TSC22D2: variants seen among roughly 807,000 people sequenced by gnomAD.
The protein encoded by TSC22D2 is TSC22 domain family member 2.
Under a neutral mutation model 50.1 loss-of-function variants are expected in TSC22D2, and 5 were observed. That is an observed-to-expected ratio of 0.10 (90% CI 0.05 to 0.21). TSC22D2 has a LOEUF of 0.21. TSC22D2 is among the 10% of genes least tolerant of loss of function. TSC22D2 has a pLI of 1.00. For missense variants in TSC22D2, 1,003 were observed against 1,015.5 expected, an observed-to-expected ratio of 0.99 and a Z score of 0.17; for synonymous variants, 501 against 450.1, an observed-to-expected ratio of 1.11 and a Z score of -1.43.
chr3:150,445,322 T>TAAG (rs974480569), intron 1 of TSC22D2, among the ~76,000 whole-genome samples: 1 of 40,626 alleles, frequency 2.5e-5, no homozygotes, highest in African/African-American at 7.8e-5. Flanking sequence ...TCAAAAATAA[T>TAAG]AATAATAATA....
At chr3:150,434,824 A>T (rs1335472284) in intron 1 of TSC22D2, among the ~76,000 whole-genome samples, 1 of 150,508 alleles carries the variant, frequency 6.6e-6, no homozygotes, top group Non-Finnish European at 1.5e-5. Context: ...TTATATATGT[A>T]TGTGTATATA....
chr3:150,464,227 T>C lies in TSC22D2; in HGVS notation c.*5591T>C, dbSNP rs1344992346. Reference sequence around the variant, plus strand: ...GTTATCCGGATCACAGTTCTTGCTGTCATTTCACAGGCATGCAATGTATCT... The same window carrying C: ...GTTATCCGGATCACAGTTCTTGCTGCCATTTCACAGGCATGCAATGTATCT... On this transcript the variant is annotated 3_prime_UTR_variant, in exon 3 of 3. Transcript: ENST00000688009. 6.6e-6 allele frequency: 1 copy of C among 152,072 alleles called. No homozygotes were observed. Among genetic ancestry groups the C allele is most frequent in the African/African-American group, 2.4e-5 (1 of 41,400 alleles). 9.4% of individuals were successfully genotyped at this position (152,072 alleles called of 1,614,324 possible).
intron 1 of TSC22D2, among the ~76,000 whole-genome samples, chr3:150,448,892 A>G (rs1720960545): frequency 6.6e-6 from 1 of 151,092 alleles, no homozygotes; most frequent in African/African-American, 2.4e-5. Flanking sequence ...ATATATATAT[A>G]TATAATTAGG....
In TSC22D2 at chr3:150,466,247, C is replaced by A. The variant is rs986719662; in HGVS notation, c.*7611C>A. 4 of 151,192 alleles carry A rather than the reference C, an allele frequency of 2.6e-5. No homozygotes were observed. Among genetic ancestry groups the A allele is most frequent in the Non-Finnish European group, 5.9e-5 (4 of 67,838 alleles). 9.4% of individuals were successfully genotyped at this position (151,192 alleles called of 1,614,324 possible). On this transcript the variant is annotated 3_prime_UTR_variant, in exon 3 of 3. Transcript: ENST00000688009. ...CACACAAATACTGTATAGTGTACTTCTACAAGTACATATTTGTGTATTATA... is the reference window on the plus strand; with the variant it reads ...CACACAAATACTGTATAGTGTACTTATACAAGTACATATTTGTGTATTATA...
intron 1 of TSC22D2, among the ~76,000 whole-genome samples, chr3:150,431,373 A>G (rs1395382341): frequency 6.6e-6 from 1 of 151,894 alleles, no homozygotes; most frequent in Admixed American, 6.6e-5. Flanking sequence ...TTAATGTGCT[A>G]TTATCAAATA....
At chr3:150,412,572 T>A (rs1401865165) in intron 1 of TSC22D2, among the ~76,000 whole-genome samples, 1 of 152,234 alleles carries the variant, frequency 6.6e-6, no homozygotes, top group Non-Finnish European at 1.5e-5. Context: ...TTCATTCATC[T>A]TCTCTGCTTT....
intron 1 of TSC22D2, among the ~76,000 whole-genome samples, chr3:150,427,292 A>G (rs760294289): frequency 2.7e-4 from 41 of 152,176 alleles, no homozygotes; most frequent in African/African-American, 8.7e-4. Context: ...ACCCAGATCA[A>G]TACATAGAAT....
intron 1 of TSC22D2, among the ~76,000 whole-genome samples, chr3:150,443,918 A>G (rs1720796381): frequency 6.6e-6 from 1 of 152,224 alleles, no homozygotes; most frequent in Non-Finnish European, 1.5e-5. Context: ...TTTATTATCC[A>G]TGAAGTCTTC....
chr3:150,415,087 T>A (rs1719750784), intron 1 of TSC22D2, among the ~76,000 whole-genome samples: 1 of 152,050 alleles, frequency 6.6e-6, no homozygotes, highest in South Asian at 2.1e-4. Context: ...TCATCAGGGA[T>A]TACTGATGGA....
intron 1 of TSC22D2, among the ~76,000 whole-genome samples, chr3:150,420,942 G>A (rs978141342): frequency 3.3e-5 from 5 of 152,170 alleles, no homozygotes; most frequent in African/African-American, 4.8e-5. Context: ...AATTAGCTGC[G>A]CGTGGTGGTG....
chr3:150,416,841 A>G (rs1204317908), intron 1 of TSC22D2, among the ~76,000 whole-genome samples: 1 of 152,140 alleles, frequency 6.6e-6, no homozygotes, highest in East Asian at 1.9e-4. Flanking sequence ...CTCTTAAATC[A>G]GGTGAATTAA....
At chr3:150,437,160 T>C (rs184420947) in intron 1 of TSC22D2, among the ~76,000 whole-genome samples, 2 of 152,288 alleles carry the variant, frequency 1.3e-5, no homozygotes, top group East Asian at 1.9e-4. Flanking sequence ...ATTAATGATA[T>C]TATTCAGTGA....
chr3:150,458,816 G>C lies in TSC22D2; in HGVS notation c.*180G>C. ...TCTCTCTGAGATGTCATGCAGCGCTGTTGATGTCCAGTTCTATGTCATCAG... is the reference window on the plus strand; with the variant it reads ...TCTCTCTGAGATGTCATGCAGCGCTCTTGATGTCCAGTTCTATGTCATCAG... On this transcript the variant is annotated 3_prime_UTR_variant, in exon 3 of 3. Transcript: ENST00000688009. 1.4e-6 allele frequency: 1 copy of C among 715,114 alleles called. No homozygotes were observed. Among genetic ancestry groups the C allele is most frequent in the East Asian group, 2.7e-5 (1 of 36,476 alleles). 44.3% of individuals were successfully genotyped at this position (715,114 alleles called of 1,614,324 possible).
Position 150,410,615 on chromosome 3 carries a change from T to C in TSC22D2, c.1265T>C (p.Val422Ala), listed in dbSNP as rs1181517271. The C allele has an allele frequency of 1.3e-6, 2 of 1,556,568 alleles. No individual in the cohort carries two copies. The highest frequency in any genetic ancestry group is 1.2e-5 in the South Asian group (1 of 85,218). Residue 422 changes from valine to alanine, a missense_variant, in exon 1 of 3, where the codon GTG becomes GCG. Val to Ala is a moderately conservative substitution (Grantham distance 64). This residue lies in a region of TSC22D2 where 696 missense variants were observed against 647.8 expected (regional missense o/e 1.07). Coordinates refer to ENST00000688009, the MANE Select transcript of TSC22D2 (RefSeq NM_001303264.2). ...GGCACCGGCCAGAATGCTTCCTCGG[T>C]GGGCGCGCAGCTCATGGGCGCGTCT... is the stretch of plus-strand genomic sequence containing the variant. Reference protein sequence around the residue: ...PVGTGQNASSVGAQLMGASSQ... With the variant: ...PVGTGQNASSAGAQLMGASSQ...
Position 150,459,649 on chromosome 3 carries a change from A to C in TSC22D2, c.*1013A>C, listed in dbSNP as rs1576562192. 1 of 146,766 alleles carries C rather than the reference A, an allele frequency of 6.8e-6. No individual in the cohort carries two copies. The allele number at this position is 146,766 out of a possible 1,614,324, so 9.1% of individuals were successfully genotyped here. A position where few individuals can be genotyped will look rare whatever the true frequency, so the allele number is the denominator to read the frequency against. The stretch of plus-strand genomic sequence containing the variant: ...TTTTATTTAGTGTTTTCTCAGTCAC[A>C]ATTTTCTTTACTGTCTAGCATGATC... On this transcript the variant is annotated 3_prime_UTR_variant, in exon 3 of 3. Transcript: ENST00000688009.
At chr3:150,457,172 G>T in intron 2 of TSC22D2, 45 bp downstream of exon 2, 2 of 1,534,828 alleles carry the variant, frequency 1.3e-6, no homozygotes, top group Non-Finnish European at 8.9e-7. Context: ...ATTGTTGGTT[G>T]TATGGAACAC....
rs1404511269 is a variant in TSC22D2, at chr3:150,462,187, G to T, written c.*3551G>T. The T allele has an allele frequency of 6.6e-6, 1 of 152,208 alleles. No individual in the cohort carries two copies. Among genetic ancestry groups the T allele is most frequent in the South Asian group, 2.1e-4 (1 of 4,826 alleles). 9.4% of individuals were successfully genotyped at this position (152,208 alleles called of 1,614,324 possible). On this transcript the variant is annotated 3_prime_UTR_variant, in exon 3 of 3. Transcript: ENST00000688009. ...GACACCTGAGTCTTGAAGGTCATAA[G>T]AGCCAGAGGGAAGGGTGTTCCAAGC...
In TSC22D2 at chr3:150,420,648, A is replaced by T. The variant is rs183876510; in HGVS notation, c.1958+9340A>T. Among the ~76,000 whole-genome samples, 17 of 152,350 alleles carry T rather than the reference A, an allele frequency of 1.1e-4. No homozygotes were observed. The East Asian group carries it at 2.1e-3, about 19-fold the overall frequency. On this transcript the variant is annotated intron_variant, in intron 1 of 2. Coordinates refer to ENST00000688009, the MANE Select transcript of TSC22D2 (RefSeq NM_001303264.2). The stretch of plus-strand genomic sequence containing the variant: ...TGTTCGTTTTTCACCTTTACATTTG[A>T]CTTAAGAGATATTGCACTATTCTGT...
chr3:150,414,140 A>G (rs1418288141), intron 1 of TSC22D2, among the ~76,000 whole-genome samples: 1 of 152,182 alleles, frequency 6.6e-6, no homozygotes, highest in Admixed American at 6.5e-5. Context: ...TGTATATGCA[A>G]AAAGTTCTCA....
Sources: allele counts gnomAD v4.1 joint callset (sites outside exome capture counted in the v4.1 genomes callset), GRCh38; gene constraint gnomAD v4.1.1; regional missense constraint gnomAD v4.1.1; transcripts MANE v1.5; gene names NCBI Gene and HGNC (gene_info 2026-07-23, HGNC 2026-07-21).